CEP20: variants seen among roughly 807,000 people sequenced by gnomAD.
The protein encoded by CEP20 is FGFR1OP N-terminal like.
A neutral mutation model predicts 20.0 loss-of-function variants in CEP20; 18 were observed. The observed-to-expected ratio is 0.90, with a 90% CI of 0.62 to 1.34. CEP20 has a LOEUF of 1.34. Ranked by LOEUF, CEP20 falls within the 40% of genes most tolerant of loss-of-function variation. The probability of loss-of-function intolerance (pLI) is 0.00; values close to 1 mark genes in which losing one functional copy is unlikely to be tolerated. For synonymous variants in CEP20, 77 were observed against 73.7 expected (o/e 1.04, Z -0.23); for missense variants, 215 against 201.6 (o/e 1.07, Z -0.40).
intron 4 of CEP20, among the ~76,000 whole-genome samples, chr16:15,868,286 G>A (rs1278400616): frequency 2.0e-5 from 3 of 152,070 alleles, no homozygotes; most frequent in South Asian, 2.1e-4. Flanking sequence ...AGCCAGGCGT[G>A]GTGGCGGGCA....
chr16:15,868,097 G>A (rs1379327634), intron 4 of CEP20, among the ~76,000 whole-genome samples: 1 of 151,452 alleles, frequency 6.6e-6, no homozygotes, highest in East Asian at 1.9e-4. Flanking sequence ...CCATGCATAA[G>A]TAGTTACAAA....
In CEP20 at chr16:15,866,139, A is replaced by C. The variant is rs981741350; in HGVS notation, c.*1301T>G. 6.6e-6 allele frequency: 1 copy of C among 152,218 alleles called. No individual in the cohort carries two copies. 9.4% of individuals were successfully genotyped at this position (152,218 alleles called of 1,614,324 possible). A position where few individuals can be genotyped will look rare whatever the true frequency, so the allele number is the denominator to read the frequency against. On this transcript the variant is annotated 3_prime_UTR_variant, in exon 5 of 5. Coordinates refer to ENST00000255759, the MANE Select transcript of CEP20 (RefSeq NM_144600.4). ...GCCTCCCAAAATGTTGTGTAAGTAT[A>C]GTTTAAATGGATTTCATTAATAAGT... is the stretch of plus-strand genomic sequence containing the variant.
Position 15,867,346 on chromosome 16 carries a change from A to C in CEP20, c.*94T>G. Reference sequence around the variant, plus strand: ...TTTTGTAGAAACTCCAATTTCTACAAACATTAGTGGTGCATTTTGGTAACA... The same window carrying C: ...TTTTGTAGAAACTCCAATTTCTACACACATTAGTGGTGCATTTTGGTAACA... On this transcript the variant is annotated 3_prime_UTR_variant, in exon 5 of 5. Coordinates refer to ENST00000255759, the MANE Select transcript of CEP20 (RefSeq NM_144600.4). 1.1e-6 allele frequency: 1 copy of C among 897,222 alleles called. No homozygotes were observed. Among genetic ancestry groups the C allele is most frequent in the Non-Finnish European group, 1.6e-6 (1 of 635,930 alleles). 55.6% of individuals were successfully genotyped at this position (897,222 alleles called of 1,614,324 possible). A position where few individuals can be genotyped will look rare whatever the true frequency, so the allele number is the denominator to read the frequency against.
chr16:15,878,680 A>C (rs1653689127), intron 3 of CEP20, among the ~76,000 whole-genome samples: 1 of 151,982 alleles, frequency 6.6e-6, no homozygotes. Context: ...TGTTATTTTT[A>C]GTAGAGATGG....
At chr16:15,880,072 G>T (rs2045063467) in intron 2 of CEP20, among the ~76,000 whole-genome samples, 184 bp from the exon 3 acceptor site, 1 of 152,100 alleles carries the variant, frequency 6.6e-6, no homozygotes, top group African/African-American at 2.4e-5. Context: ...TTTGTTAAAT[G>T]CATGTCTTAA....
intron 3 of CEP20, among the ~76,000 whole-genome samples, chr16:15,876,852 CTTTTTTT>C (rs150019067): frequency 5.1e-5 from 7 of 135,964 alleles, no homozygotes; most frequent in Non-Finnish European, 7.9e-5. Flanking sequence ...CTCAAACTTA[CTTTTTTT>C]TTTTTTTTTG....
At position 15,879,848 on chromosome 16, in the gene CEP20, G is replaced by A. The variant is rs1281900002; in HGVS notation, c.267C>T (p.Leu89=). ...CTTCAAATGCATTTAGTTCATGGATGAGAAACTGTCTGTCCAACGGAACTA... is the reference window on the plus strand; with the variant it reads ...CTTCAAATGCATTTAGTTCATGGATAAGAAACTGTCTGTCCAACGGAACTA... The part of the protein sequence containing the change: ...QPVVPLDRQF[L]IHELNAFEES... Residue 89 remains leucine, a synonymous_variant, in exon 3 of 5, where the codon CTC becomes CTT. Transcript: ENST00000255759. 6.4e-7 allele frequency: 1 copy of A among 1,569,220 alleles called. No individual in the cohort carries two copies. Among genetic ancestry groups the A allele is most frequent in the Non-Finnish European group, 8.6e-7 (1 of 1,166,432 alleles).
At chr16:15,879,767 T>C (rs1259701916) in intron 3 of CEP20, 37 bp downstream of exon 3, 17 of 1,219,806 alleles carry the variant, frequency 1.4e-5, no homozygotes, top group Non-Finnish European at 2.0e-5. Context: ...TATGACTCAA[T>C]ACAATATGTG....
intron 1 of CEP20, 23 bp downstream of exon 1, chr16:15,888,535 G>A: frequency 1.2e-6 from 2 of 1,614,122 alleles, no homozygotes; most frequent in Non-Finnish European, 1.7e-6. Flanking sequence ...TTCCCATGTG[G>A]AGGCCTCCCT....
Position 15,873,612 on chromosome 16 carries a change from C to T in CEP20, c.327G>A (p.Gly109=), listed in dbSNP as rs144938295. The T allele has an allele frequency of 2.5e-3, 4,083 of 1,613,420 alleles. 7 individuals are homozygous for T. Among genetic ancestry groups the T allele is most frequent in the Non-Finnish European group, 2.9e-3 (3,431 of 1,179,636 alleles). Residue 109 remains glycine (G), a synonymous_variant, in exon 4 of 5, where the codon GGG becomes GGA. Coordinates refer to ENST00000255759, the MANE Select transcript of CEP20 (RefSeq NM_144600.4). ...TTCCACGCAAGAAATGGGCTAAAAT[C>T]CCATATAAAAGAGGTCTATAGCAGG... ...SKDNTIPLLY[G]ILAHFLRGTK...
chr16:15,882,268 G>A (rs2045116058), intron 2 of CEP20, among the ~76,000 whole-genome samples: 2 of 152,162 alleles, frequency 1.3e-5, no homozygotes, highest in Non-Finnish European at 2.9e-5. Flanking sequence ...TCAACCGGGT[G>A]CGGTGGCTCA....
At chr16:15,885,807 G>C (rs1160581334) in intron 1 of CEP20, 1 of 152,266 alleles carries the variant, frequency 6.6e-6, no homozygotes, top group African/African-American at 2.4e-5. Flanking sequence ...TAAGGAGTCA[G>C]GGATGTGTAT....
intron 2 of CEP20, 58 bp downstream of exon 2, chr16:15,883,950 T>C (rs771280099): frequency 1.4e-6 from 2 of 1,437,908 alleles, no homozygotes; most frequent in Non-Finnish European, 1.9e-6. Context: ...ATAAACAGTT[T>C]CTGAGAATTG....
intron 4 of CEP20, among the ~76,000 whole-genome samples, chr16:15,870,562 C>T (rs2084797576): frequency 6.6e-6 from 1 of 152,140 alleles, no homozygotes; most frequent in African/African-American, 2.4e-5. Context: ...TGTTACATCA[C>T]AATACCGTAA....
At chr16:15,876,476 A>G (rs888186754) in intron 3 of CEP20, among the ~76,000 whole-genome samples, 5 of 125,466 alleles carry the variant, frequency 4.0e-5, no homozygotes, top group Non-Finnish European at 8.5e-5. Context: ...CTCTGTCTCG[A>G]AAAAAAAAAA....
intron 3 of CEP20, among the ~76,000 whole-genome samples, chr16:15,876,969 C>T (rs1415841314): frequency 1.3e-5 from 2 of 151,804 alleles, no homozygotes; most frequent in Non-Finnish European, 2.9e-5. Context: ...TTTCCTGCCT[C>T]GGCCTCCCAA....
At chr16:15,883,754 A>G (rs1228433198) in intron 2 of CEP20, among the ~76,000 whole-genome samples, 1 of 152,218 alleles carries the variant, frequency 6.6e-6, no homozygotes, top group African/African-American at 2.4e-5. Context: ...CAAAACGTCA[A>G]CAATTGTTTA....
rs188107115 is a variant in CEP20 at position 15,885,475 on chromosome 16, T to C, written c.29-1270A>G. Among the ~76,000 whole-genome samples the C allele has an allele frequency of 1.1e-3, 173 of 152,200 alleles. 1 individual carries two copies. Among genetic ancestry groups the C allele is most frequent in the African/African-American group, 4.0e-3 (168 of 41,558 alleles). ...GGCACGATCTCGGCTCACTGCAATCTCCAGGCTCCCTGGTTCAAGCAATTC... is the reference window on the plus strand; with the variant it reads ...GGCACGATCTCGGCTCACTGCAATCCCCAGGCTCCCTGGTTCAAGCAATTC... On this transcript the variant is annotated intron_variant, in intron 1 of 4. Coordinates refer to ENST00000255759, the MANE Select transcript of CEP20 (RefSeq NM_144600.4).
At chr16:15,869,011 A>G (rs2044749539) in intron 4 of CEP20, among the ~76,000 whole-genome samples, 1 of 151,466 alleles carries the variant, frequency 6.6e-6, no homozygotes, top group South Asian at 2.1e-4. Context: ...AAGGCTGCAG[A>G]GAGCCATGAT....
Sources: allele counts gnomAD v4.1 joint callset (sites outside exome capture counted in the v4.1 genomes callset), GRCh38; gene constraint gnomAD v4.1.1; transcripts MANE v1.5; gene names NCBI Gene and HGNC (gene_info 2026-07-23, HGNC 2026-07-21).